Variants in ROR1 observed in about 807,000 individuals in gnomAD.
ROR1 encodes inactive tyrosine-protein kinase transmembrane receptor ROR1.
In ROR1, 19 loss-of-function variants were observed where a neutral mutation model predicts 78.8. That is an observed-to-expected ratio of 0.24 (90% CI 0.17 to 0.35). The LOEUF (loss-of-function observed/expected upper bound fraction) is 0.35, where lower values mean the gene tolerates loss of function less well. Ranked by LOEUF, ROR1 falls within the 10% of genes least tolerant of loss-of-function variation. The pLI is 1.00. For synonymous variants in ROR1, 386 were observed against 433.6 expected, an observed-to-expected ratio of 0.89 and a Z score of 1.36; for missense variants, 917 against 1,177.8, an observed-to-expected ratio of 0.78 and a Z score of 3.24.
At chr1:63,991,456 TG>T (rs1646295548) in intron 1 of ROR1, among the ~76,000 whole-genome samples, 1 of 152,186 alleles carries the variant, frequency 6.6e-6, no homozygotes, top group Non-Finnish European at 1.5e-5. Context: ...CAAGGCAAAG[TG>T]GTCCCTTCTT....
chr1:63,842,012 G>A (rs183828154), intron 1 of ROR1, among the ~76,000 whole-genome samples: 1 of 151,912 alleles, frequency 6.6e-6, no homozygotes, highest in African/African-American at 2.4e-5. Context: ...TTACATTCTT[G>A]TACCTGTTAT....
At chr1:63,788,351 C>T (rs979257893) in intron 1 of ROR1, among the ~76,000 whole-genome samples, 3 of 152,132 alleles carry the variant, frequency 2.0e-5, no homozygotes, top group Non-Finnish European at 4.4e-5. Context: ...TGTTTATACA[C>T]GTGGATTTAT....
intron 4 of ROR1, among the ~76,000 whole-genome samples, chr1:64,063,628 GTCTCTC>G (rs61262636): frequency 6.6e-6 from 1 of 150,416 alleles, no homozygotes; most frequent in Non-Finnish European, 1.5e-5. Context: ...CTCTTTCTCT[GTCTCTC>G]TCTCTCTCTC....
chr1:63,994,066 C>G (rs1284609214), intron 1 of ROR1, among the ~76,000 whole-genome samples: 2 of 152,080 alleles, frequency 1.3e-5, no homozygotes, highest in Non-Finnish European at 2.9e-5. Flanking sequence ...AATAACATCT[C>G]ATTGAAGTTT....
chr1:64,064,745 G>A (rs1436168907), intron 4 of ROR1, among the ~76,000 whole-genome samples: 1 of 152,192 alleles, frequency 6.6e-6, no homozygotes, highest in Non-Finnish European at 1.5e-5. Flanking sequence ...GGCTGAGGGG[G>A]CAGACATGGT....
At chr1:63,825,015 A>G (rs1644945086) in intron 1 of ROR1, among the ~76,000 whole-genome samples, 1 of 152,200 alleles carries the variant, frequency 6.6e-6, no homozygotes, top group South Asian at 2.1e-4. Flanking sequence ...TATGATTAAA[A>G]AAACAACTAA....
intron 1 of ROR1, among the ~76,000 whole-genome samples, chr1:63,951,826 T>A (rs535272483): frequency 6.6e-6 from 1 of 152,142 alleles, no homozygotes; most frequent in East Asian, 1.9e-4. Flanking sequence ...ACAAATATGC[T>A]GAAGTAGGGA....
intron 1 of ROR1, among the ~76,000 whole-genome samples, chr1:63,923,199 C>T (rs541826630): frequency 1.3e-5 from 2 of 152,168 alleles, no homozygotes; most frequent in African/African-American, 4.8e-5. Flanking sequence ...ATTTAATATA[C>T]CCACAGAGTG....
At chr1:63,925,573 C>G (rs1206701437) in intron 1 of ROR1, among the ~76,000 whole-genome samples, 1 of 151,972 alleles carries the variant, frequency 6.6e-6, no homozygotes. Context: ...GTTCTAGATC[C>G]CTGAGGAATC....
intron 4 of ROR1, among the ~76,000 whole-genome samples, chr1:64,056,068 A>T (rs1453676147): frequency 6.6e-6 from 1 of 152,070 alleles, no homozygotes; most frequent in Non-Finnish European, 1.5e-5. Context: ...CATTTCGTTT[A>T]TCCATTTTTC....
At chr1:64,016,010 C>A (rs955688192) in intron 2 of ROR1, among the ~76,000 whole-genome samples, 1 of 152,142 alleles carries the variant, frequency 6.6e-6, no homozygotes, top group Admixed American at 6.5e-5. Context: ...CTCTTGACCG[C>A]CCCCTCCCCA....
chr1:64,077,260 T>C (rs1490955159), intron 4 of ROR1, among the ~76,000 whole-genome samples: 1 of 152,222 alleles, frequency 6.6e-6, no homozygotes, highest in Non-Finnish European at 1.5e-5. Flanking sequence ...GGTTGGAGCA[T>C]GGCTCTTTGG....
intron 1 of ROR1, among the ~76,000 whole-genome samples, chr1:63,833,420 G>T (rs145784474): frequency 9.2e-5 from 14 of 152,340 alleles, no homozygotes; most frequent in African/African-American, 3.1e-4. Context: ...AAAAGGAGAA[G>T]ACATGAGAAT....
Position 64,012,555 on chromosome 1 carries a change from A to C in ROR1, c.163+3179A>C, listed in dbSNP as rs1570056683. ...ATGAAGGTTTTCCACCAAAGACAAA[A>C]TTTTAAAAATGAAAACCACAAAACA... On this transcript the variant is annotated intron_variant, in intron 2 of 8. Coordinates refer to ENST00000371079, the MANE Select transcript of ROR1 (RefSeq NM_005012.4). Among the ~76,000 whole-genome samples, 3 of 152,316 alleles carry C rather than the reference A, an allele frequency of 2.0e-5. 1 individual carries two copies. The South Asian group carries it at 6.2e-4, about 32-fold the overall frequency.
At chr1:63,974,476 C>T (rs77016817) in intron 1 of ROR1, among the ~76,000 whole-genome samples, 10,152 of 152,100 alleles carry the variant, frequency 0.067, 426 homozygotes, top group Middle Eastern at 0.095. Flanking sequence ...GACAGAGTCC[C>T]CTGTCACGCA....
chr1:63,936,411 A>T (rs1645794621), intron 1 of ROR1, among the ~76,000 whole-genome samples: 1 of 152,134 alleles, frequency 6.6e-6, no homozygotes, highest in East Asian at 1.9e-4. Flanking sequence ...TAAAAAATGC[A>T]TGCTTTGGGG....
At chr1:63,980,740 A>C (rs1311021826) in intron 1 of ROR1, among the ~76,000 whole-genome samples, 1 of 152,220 alleles carries the variant, frequency 6.6e-6, no homozygotes, top group Non-Finnish European at 1.5e-5. Flanking sequence ...GGGATGGAAG[A>C]TGGCCTTAGC....
At chr1:64,005,800 T>C (rs1027778912) in intron 1 of ROR1, among the ~76,000 whole-genome samples, 8 of 152,324 alleles carry the variant, frequency 5.3e-5, no homozygotes, top group African/African-American at 1.2e-4. Flanking sequence ...TTGGAAGATA[T>C]TATTTTTCAG....
At chr1:63,777,539 A>G (rs1340380387) in intron 1 of ROR1, among the ~76,000 whole-genome samples, 1 of 152,194 alleles carries the variant, frequency 6.6e-6, no homozygotes, top group Admixed American at 6.5e-5. Flanking sequence ...TTCAGTATAC[A>G]TGGTAGGCTG....
Sources: allele counts gnomAD v4.1 joint callset (sites outside exome capture counted in the v4.1 genomes callset), GRCh38; gene constraint gnomAD v4.1.1; transcripts MANE v1.5; gene names NCBI Gene and HGNC (gene_info 2026-07-23, HGNC 2026-07-21).